The following ANKRD31 variants were observed in gnomAD, a reference collection of about 807,000 sequenced individuals.
ANKRD31 encodes the protein ankyrin repeat domain-containing protein 31.
A neutral mutation model predicts 186.0 loss-of-function variants in ANKRD31; 147 were observed. The ratio of observed to expected loss-of-function variants is 0.79; its 90% CI spans 0.69 to 0.91. ANKRD31 has a LOEUF of 0.91. Ranked by LOEUF, ANKRD31 falls within the 40% of genes least tolerant of loss-of-function variation. The pLI is 0.00. For missense variants in ANKRD31, 1,986 were observed against 2,148.8 expected, an observed-to-expected ratio of 0.92 and a Z score of 1.50; for synonymous variants, 673 against 736.4, an observed-to-expected ratio of 0.91 and a Z score of 1.39.
At chr5:75,124,857 TA>T (rs1429316653) in intron 17 of ANKRD31, among the ~76,000 whole-genome samples, 1 of 152,104 alleles carries the variant, frequency 6.6e-6, no homozygotes, top group East Asian at 1.9e-4. Context: ...AGAAATTAAT[TA>T]ATGAGTGCAA....
At chr5:75,137,777 C>A (rs952253543) in intron 17 of ANKRD31, 79 bp downstream of exon 17, 1 of 1,243,600 alleles carries the variant, frequency 8.0e-7, no homozygotes, top group Non-Finnish European at 1.0e-6. Context: ...CATTTTAGTT[C>A]TCAGTTTAAA....
At position 75,146,371 on chromosome 5, in the gene ANKRD31, T is replaced by A; in HGVS notation, c.3040A>T (p.Arg1014Ter). 6.5e-7 allele frequency: 1 copy of A among 1,536,632 alleles called. No individual in the cohort carries two copies. Among genetic ancestry groups the A allele is most frequent in the South Asian group, 1.2e-5 (1 of 84,048 alleles). ...NPEQNSLACM[R>*]TLLTHEASKL... ...GAAGCCTCATGTGTCAAAAGTGTTCTCATACAAGCCAGGGAATTTTGCTCA... is the reference window on the plus strand; with the variant it reads ...GAAGCCTCATGTGTCAAAAGTGTTCACATACAAGCCAGGGAATTTTGCTCA... Residue 1014 changes from arginine to a stop codon, truncating the protein, a stop_gained, in exon 14 of 26, where the codon AGA becomes TGA. Coordinates refer to ENST00000506364, the MANE Select transcript of ANKRD31 (RefSeq NM_001372053.1). LOFTEE classifies it high-confidence loss of function.
In ANKRD31 at chr5:75,196,215, T is replaced by C. The variant is rs1580535819; in HGVS notation, c.448-15A>G. On this transcript the variant is annotated splice_polypyrimidine_tract_variant and intron_variant, in intron 6 of 25. Transcript: ENST00000506364. Reference sequence around the variant, plus strand: ...TCACTTAGTTCCTGTGTATTACAAATAGAAATTACATCATTACAGCATATA... The same window carrying C: ...TCACTTAGTTCCTGTGTATTACAAACAGAAATTACATCATTACAGCATATA... The C allele has an allele frequency of 7.0e-7, 1 of 1,433,320 alleles. No individual in the cohort carries two copies. The allele number at this position is 1,433,320 out of a possible 1,614,324, so 88.8% of individuals were successfully genotyped here.
At chr5:75,166,665 T>A (rs1042617199) in intron 11 of ANKRD31, among the ~76,000 whole-genome samples, 1 of 152,176 alleles carries the variant, frequency 6.6e-6, no homozygotes, top group South Asian at 2.1e-4. Context: ...AAAGTTTTGA[T>A]AGCTTATTTC....
intron 20 of ANKRD31, among the ~76,000 whole-genome samples, chr5:75,109,738 G>A (rs1358229305): frequency 2.6e-5 from 4 of 152,066 alleles, no homozygotes; most frequent in Admixed American, 6.6e-5. Context: ...GAGGTGCAAA[G>A]GTCCTGAGGA....
intron 6 of ANKRD31, among the ~76,000 whole-genome samples, chr5:75,197,880 C>G (rs991729835): frequency 6.6e-6 from 1 of 152,064 alleles, no homozygotes; most frequent in Non-Finnish European, 1.5e-5. Flanking sequence ...CAGAACCAGC[C>G]CAAATTGGCC....
At chr5:75,224,649 A>C (rs1757530376) in intron 2 of ANKRD31, among the ~76,000 whole-genome samples, 1 of 152,196 alleles carries the variant, frequency 6.6e-6, no homozygotes, top group Non-Finnish European at 1.5e-5. Flanking sequence ...AAAATATTCC[A>C]AACATTAAAA....
chr5:75,199,808 C>A, intron 5 of ANKRD31, 134 bp from the exon 6 acceptor site: 1 of 334,116 alleles, frequency 3.0e-6, no homozygotes, highest in Non-Finnish European at 5.0e-6. Context: ...ATTAATATTA[C>A]ATAAATTTAT....
rs542611668 is a variant in ANKRD31, at chr5:75,187,488, G to A, written c.1564+1005C>T. ...AAAAAAGGCTAATACAAAGAAACAT[G>A]TTAAGAGAGGCTTGAGAAATCCATA... On this transcript the variant is annotated intron_variant, in intron 10 of 25. Coordinates refer to ENST00000506364, the MANE Select transcript of ANKRD31 (RefSeq NM_001372053.1). 7.8e-4 allele frequency among the ~76,000 whole-genome samples: 118 copies of A among 151,934 alleles called. 1 individual carries two copies. The highest frequency in any genetic ancestry group is 1.1e-3 in the Non-Finnish European group (75 of 67,934).
At chr5:75,178,809 T>C (rs1008220427) in intron 10 of ANKRD31, among the ~76,000 whole-genome samples, 2 of 152,042 alleles carry the variant, frequency 1.3e-5, no homozygotes, top group African/African-American at 4.8e-5. Context: ...ACACCCTAAC[T>C]TCACAATTCA....
In ANKRD31 at chr5:75,104,998, G is replaced by A. The variant is rs1747213377; in HGVS notation, c.4561C>T (p.Leu1521=). The change falls in exon 22 of 26, where the codon CTG becomes TTG. Residue 1521 remains leucine (L), a synonymous_variant. Transcript: ENST00000506364. ...GATTGGGGATGCTCTAAATTTTCCA[G>A]ACTAGTGAGCTCTTGGCTGTCTTTT... ...SEKDSQELTS[L]ENLEHPQSGS... 2 of 1,536,902 alleles carry A rather than the reference G, an allele frequency of 1.3e-6. No homozygotes were observed. The highest frequency in any genetic ancestry group is 1.7e-6 in the Non-Finnish European group (2 of 1,146,858).
intron 10 of ANKRD31, among the ~76,000 whole-genome samples, chr5:75,176,577 A>C (rs1753820087): frequency 6.6e-6 from 1 of 152,180 alleles, no homozygotes; most frequent in Non-Finnish European, 1.5e-5. Flanking sequence ...TGGTTCACCA[A>C]TATCCGCTCT....
intron 1 of ANKRD31, among the ~76,000 whole-genome samples, chr5:75,231,961 G>A (rs1163409233): frequency 1.4e-5 from 2 of 147,280 alleles, no homozygotes; most frequent in Non-Finnish European, 3.0e-5. Context: ...CTTTCTAATA[G>A]TTCTCAGCAT....
At position 75,234,643 on chromosome 5, in the gene ANKRD31, T is replaced by C. The variant is rs1300103334; in HGVS notation, c.104+1940A>G. Among the ~76,000 whole-genome samples the C allele has an allele frequency of 3.3e-5, 5 of 152,360 alleles. No homozygotes were observed. In the East Asian group the frequency reaches 9.6e-4, roughly 29 times the overall value. ...GATTGTTTTGTAATTCTTTCAGAGA[T>C]ATTTTCTAAGTGTATATATGTTGGA... On this transcript the variant is annotated intron_variant, in intron 1 of 25. Coordinates refer to ENST00000506364, the MANE Select transcript of ANKRD31 (RefSeq NM_001372053.1).
chr5:75,138,631 C>T (rs1414353452), intron 16 of ANKRD31, among the ~76,000 whole-genome samples: 2 of 152,070 alleles, frequency 1.3e-5, no homozygotes, highest in African/African-American at 4.8e-5. Flanking sequence ...CTCTGATGCT[C>T]CCAAATGGAT....
chr5:75,128,245 CTG>C (rs1361945792), intron 17 of ANKRD31, among the ~76,000 whole-genome samples: 3 of 148,878 alleles, frequency 2.0e-5, no homozygotes, highest in African/African-American at 7.5e-5. Context: ...ACATCACACA[CTG>C]GGGCCTGGCA....
chr5:75,195,703 A>T lies in ANKRD31; in HGVS notation c.945T>A (p.Ile315=). 2 of 1,537,480 alleles carry T rather than the reference A, an allele frequency of 1.3e-6. No homozygotes were observed. Among genetic ancestry groups the T allele is most frequent in the South Asian group, 2.4e-5 (2 of 84,036 alleles). ...CHRKEGGSSL[I]ARNECLEVEF... ...CCACTTCTAAACATTCATTTCTGGCAATGAGACTGCTACCTCCCTCTTTTC... is the reference window on the plus strand; with the variant it reads ...CCACTTCTAAACATTCATTTCTGGCTATGAGACTGCTACCTCCCTCTTTTC... The change falls in exon 7 of 26, where the codon ATT becomes ATA. Residue 315 remains isoleucine, a synonymous_variant. Transcript: ENST00000506364.
At chr5:75,201,919 C>T (rs551346486) in intron 5 of ANKRD31, among the ~76,000 whole-genome samples, 8 of 152,326 alleles carry the variant, frequency 5.3e-5, no homozygotes, top group Admixed American at 3.9e-4. Flanking sequence ...CCCAGCGATT[C>T]CTTTCTATTG....
chr5:75,225,606 C>A, intron 2 of ANKRD31: 1 of 233,548 alleles, frequency 4.3e-6, no homozygotes, highest in African/African-American at 2.3e-5. Flanking sequence ...ACCAATAACA[C>A]AAACACAAAT....
Sources: gnomAD v4.1 joint callset for allele counts (sites outside exome capture counted in the v4.1 genomes callset) on GRCh38, gnomAD v4.1.1 for gene constraint, MANE v1.5 for transcripts, NCBI Gene and HGNC (gene_info 2026-07-23, HGNC 2026-07-21) for gene names.